Variants in HIVEP1 observed in about 807,000 individuals in gnomAD.
HIVEP1 encodes the protein HIVEP zinc finger 1.
A neutral mutation model predicts 180.0 loss-of-function variants in HIVEP1; 36 were observed. The observed-to-expected ratio is 0.20, with a 90% CI of 0.15 to 0.26. HIVEP1 has a LOEUF of 0.26. HIVEP1 is among the 10% of genes least tolerant of loss of function. The probability of loss-of-function intolerance (pLI) is 1.00; values close to 1 mark genes in which losing one functional copy is unlikely to be tolerated. For missense variants in HIVEP1, 3,143 were observed against 3,268.7 expected (o/e 0.96, Z 0.94); for synonymous variants, 1,239 against 1,239.0 (o/e 1.00, Z 0.00).
intron 1 of HIVEP1, among the ~76,000 whole-genome samples, chr6:12,013,656 T>A (rs527726567): frequency 2.0e-5 from 3 of 152,354 alleles, no homozygotes; most frequent in East Asian, 3.9e-4. Flanking sequence ...ACAACGAACG[T>A]AGTTAAGCAT....
chr6:12,206,614 C>G, the HIVEP1 span, among the ~76,000 whole-genome samples: 1 of 152,276 alleles, frequency 6.6e-6, no homozygotes, highest in South Asian at 2.1e-4. Flanking sequence ...CTTCCAAACA[C>G]CTTGATTTTA....
intron 7 of HIVEP1, among the ~76,000 whole-genome samples, chr6:12,147,264 C>G (rs1360523025): frequency 6.6e-6 from 1 of 152,110 alleles, no homozygotes; most frequent in African/African-American, 2.4e-5. Flanking sequence ...CAGTTTATAC[C>G]CATTTCTTCA....
the HIVEP1 span, among the ~76,000 whole-genome samples, chr6:12,176,360 T>C: frequency 6.6e-6 from 1 of 151,576 alleles, no homozygotes; most frequent in Middle Eastern, 3.2e-3. Flanking sequence ...GCCTCCCAAG[T>C]AGCTGGGATT....
chr6:12,156,776 C>T lies in HIVEP1; in HGVS notation c.6488-4663C>T, dbSNP rs180964077. On this transcript the variant is annotated intron_variant, in intron 7 of 8. Coordinates refer to ENST00000379388, the MANE Select transcript of HIVEP1 (RefSeq NM_002114.4). ...TTTGTAGCTCAGAATATGGTATGTA[C>T]TGGTGAATGTTCCACATACCCTTAT... Among the ~76,000 whole-genome samples, 6 of 152,240 alleles carry T rather than the reference C, an allele frequency of 3.9e-5. 1 individual carries two copies. The highest frequency in any genetic ancestry group is 1.4e-4 in the African/African-American group (6 of 41,546).
intron 2 of HIVEP1, among the ~76,000 whole-genome samples, chr6:12,064,348 A>G (rs1467221120): frequency 1.3e-5 from 2 of 152,278 alleles, no homozygotes; most frequent in Middle Eastern, 3.4e-3. Flanking sequence ...TTTCTCAGCA[A>G]ATAACCTCAG....
upstream of HIVEP1, chr6:12,012,036 A>C (rs1767361906): frequency 7.7e-6 from 1 of 129,368 alleles, no homozygotes; most frequent in African/African-American, 3.0e-5. Context: ...AACGTGCCCT[A>C]CTCTGCCCCG....
At chr6:12,129,609 A>G (rs1409627026) in intron 4 of HIVEP1, 150 bp from the exon 5 acceptor site, 1 of 716,852 alleles carries the variant, frequency 1.4e-6, no homozygotes, top group Non-Finnish European at 2.6e-6. Context: ...GGAGGAGATA[A>G]AGTAAATGCC....
At chr6:12,165,011 G>C, downstream of HIVEP1, 1 of 401,022 alleles carries the variant, frequency 2.5e-6, no homozygotes, top group South Asian at 1.9e-5. Flanking sequence ...CATTGCTTCA[G>C]TTGTGCCTTC....
chr6:12,085,216 CAG>C (rs1442522484), intron 2 of HIVEP1, among the ~76,000 whole-genome samples: 1 of 151,968 alleles, frequency 6.6e-6, no homozygotes, highest in Non-Finnish European at 1.5e-5. Flanking sequence ...ACTGGTGGTA[CAG>C]AGAGAGTGAT....
intron 2 of HIVEP1, among the ~76,000 whole-genome samples, chr6:12,022,324 C>T (rs529129385): frequency 1.8e-4 from 27 of 152,148 alleles, no homozygotes; most frequent in African/African-American, 6.5e-4. Context: ...GCTCCTGCCA[C>T]CGCACCCAGC....
At chr6:12,078,251 C>T (rs577511516) in intron 2 of HIVEP1, among the ~76,000 whole-genome samples, 8 of 152,028 alleles carry the variant, frequency 5.3e-5, no homozygotes, top group East Asian at 1.9e-4. Context: ...CATTTAAGAA[C>T]GTCTGAAAGA....
downstream of HIVEP1, among the ~76,000 whole-genome samples, chr6:12,167,591 C>T (rs1760738729): frequency 9.5e-6 from 1 of 105,056 alleles, no homozygotes; most frequent in African/African-American, 3.7e-5. Context: ...CGTTATATTA[C>T]ATGTATATAT....
the HIVEP1 span, among the ~76,000 whole-genome samples, chr6:12,207,434 T>G: frequency 1.3e-5 from 2 of 152,180 alleles, no homozygotes; most frequent in African/African-American, 2.4e-5. Context: ...TTCTCCTAGA[T>G]TATTTAAATT....
intron 3 of HIVEP1, among the ~76,000 whole-genome samples, chr6:12,115,350 CTTTTTT>C (rs34074662): frequency 2.3e-3 from 170 of 75,290 alleles, no homozygotes; most frequent in Middle Eastern, 0.014. Context: ...CCCAACTATT[CTTTTTT>C]TTTTTTTTTT....
In HIVEP1 at chr6:12,122,411, C is replaced by T. The variant is rs1410794217; in HGVS notation, c.2616C>T (p.Gly872=). ...GTCAGTCATTTGATGACAAAATTGGCGCTTTCTATGATGATGTCTTTGTAT... is the reference window on the plus strand; with the variant it reads ...GTCAGTCATTTGATGACAAAATTGGTGCTTTCTATGATGATGTCTTTGTAT... The part of the protein sequence containing the change: ...RGSQSFDDKI[G]AFYDDVFVSG... The change falls in exon 4 of 9, where the codon GGC becomes GGT. Residue 872 remains glycine, a synonymous_variant. Coordinates refer to ENST00000379388, the MANE Select transcript of HIVEP1 (RefSeq NM_002114.4). The T allele has an allele frequency of 8.1e-6, 13 of 1,614,066 alleles. No individual in the cohort carries two copies. Among genetic ancestry groups the T allele is most frequent in the African/African-American group, 2.7e-5 (2 of 74,930 alleles).
rs949417025 is a variant in HIVEP1, at chr6:12,122,556, G to C, written c.2761G>C (p.Glu921Gln). The stretch of plus-strand genomic sequence containing the variant: ...TCTTGGTACTGGACAGTCCCTGGAT[G>C]AGAGCCACCAAGGATGCCATGCTGC... ...HVLGTGQSLD[E>Q]SHQGCHAAGE... The change falls in exon 4 of 9, where the codon GAG (glutamate) becomes CAG (glutamine). Residue 921 changes from glutamate (E) to glutamine (Q), a missense_variant. Physicochemically the swap from Glu to Gln is conservative, Grantham distance 29. Coordinates refer to ENST00000379388, the MANE Select transcript of HIVEP1 (RefSeq NM_002114.4). 1.9e-6 allele frequency: 3 copies of C among 1,614,098 alleles called. No homozygotes were observed. Among genetic ancestry groups the C allele is most frequent in the Non-Finnish European group, 2.5e-6 (3 of 1,180,054 alleles).
chr6:12,049,882 G>C (rs932658447), intron 2 of HIVEP1, among the ~76,000 whole-genome samples: 4 of 152,028 alleles, frequency 2.6e-5, no homozygotes, highest in African/African-American at 9.7e-5. Flanking sequence ...GTAACTGTTA[G>C]AATTTGATGA....
Position 12,050,348 on chromosome 6 carries a change from G to T in HIVEP1, c.40+34680G>T, listed in dbSNP as rs12193390. Among the ~76,000 whole-genome samples, 313 of 152,276 alleles carry T rather than the reference G, an allele frequency of 2.1e-3. 2 individuals carry two copies. Among genetic ancestry groups the T allele is most frequent in the Non-Finnish European group, 3.7e-3 (251 of 68,022 alleles). On this transcript the variant is annotated intron_variant, in intron 2 of 8. Transcript: ENST00000379388. ...CGCCTGTAATCCCAGCACTTTGGAA[G>T]GCCAAGACGGGCGGATCATGAGGTC...
At chr6:12,100,670 A>T (rs1774065103) in intron 3 of HIVEP1, among the ~76,000 whole-genome samples, 2 of 152,216 alleles carry the variant, frequency 1.3e-5, no homozygotes, top group South Asian at 4.1e-4. Context: ...CTAGTGTTTT[A>T]GTTGAAGGCT....
Sources: gnomAD v4.1 joint callset for allele counts (sites outside exome capture counted in the v4.1 genomes callset) on GRCh38, gnomAD v4.1.1 for gene constraint, MANE v1.5 for transcripts, NCBI Gene and HGNC (gene_info 2026-07-23, HGNC 2026-07-21) for gene names.